Variants in OPRM1 observed in about 807,000 individuals in gnomAD.
OPRM1 encodes the protein opioid receptor mu 1, also known as mu-type opioid receptor.
Under a neutral mutation model 31.8 loss-of-function variants are expected in OPRM1, and 27 were observed. That is an observed-to-expected ratio of 0.85 (90% CI 0.63 to 1.17). OPRM1 has a LOEUF of 1.17. Ranked by LOEUF, OPRM1 falls within the 50% of genes most tolerant of loss-of-function variation. OPRM1 has a pLI of 0.00. For synonymous variants in OPRM1, 196 were observed against 189.9 expected (o/e 1.03, Z -0.26); for missense variants, 536 against 511.1 (o/e 1.05, Z -0.47).
chr6:154,164,863 C>A (rs1180670974), intron 3 of OPRM1, among the ~76,000 whole-genome samples: 4 of 152,184 alleles, frequency 2.6e-5, no homozygotes, highest in Admixed American at 6.5e-5. Context: ...TCCTAAATAT[C>A]TGTATTTAGT....
chr6:154,094,297 T>C (rs1175106651), intron 3 of OPRM1: 1 of 1,064,142 alleles, frequency 9.4e-7, no homozygotes, highest in Non-Finnish European at 1.3e-6. Flanking sequence ...CAAAGTGGAG[T>C]GGCGATTTGG....
chr6:154,145,538 G>A (rs1798337936), intron 3 of OPRM1, among the ~76,000 whole-genome samples: 1 of 152,190 alleles, frequency 6.6e-6, no homozygotes, highest in Non-Finnish European at 1.5e-5. Flanking sequence ...TTGTTCATAG[G>A]TTGGAAGACT....
At chr6:154,197,269 A>T (rs1225468836) in intron 3 of OPRM1, among the ~76,000 whole-genome samples, 1 of 152,158 alleles carries the variant, frequency 6.6e-6, no homozygotes, top group Non-Finnish European at 1.5e-5. Flanking sequence ...ACACATAAAC[A>T]CACATGTAAA....
intron 1 of OPRM1, among the ~76,000 whole-genome samples, chr6:154,047,480 C>G (rs1781358823): frequency 6.6e-6 from 1 of 152,028 alleles, no homozygotes; most frequent in African/African-American, 2.4e-5. Flanking sequence ...CTCTCATTCT[C>G]TGTTTAATTT....
In OPRM1 at chr6:154,126,841, G is replaced by A. The variant is rs1797611387; in HGVS notation, c.*8120G>A. ...AATAAAAAAGTGCCTGCTGGGCGCG[G>A]TGGCTCACGCCTGTAATTCCAGCAC... On this transcript the variant is annotated 3_prime_UTR_variant, in exon 4 of 4. Transcript: ENST00000330432. Among the ~76,000 whole-genome samples, 1 of 152,192 alleles carries A rather than the reference G, an allele frequency of 6.6e-6. No homozygotes were observed. Among genetic ancestry groups the A allele is most frequent in the African/African-American group, 2.4e-5 (1 of 41,434 alleles).
In OPRM1 at chr6:154,045,228, C is replaced by CA. The variant is rs943079422; in HGVS notation, c.290+5402dup. On this transcript the variant is annotated intron_variant, in intron 1 of 3. Transcript: ENST00000330432. ...CAACACAGTGGGACTCCGACTCAAA[C>CA]AAAAAAAATAAATTAAAAAAAAAAG... Among the ~76,000 whole-genome samples, 27 of 149,320 alleles carry CA rather than the reference C, an allele frequency of 1.8e-4. No homozygotes were observed. In the South Asian group the frequency reaches 2.7e-3, roughly 15 times the overall value.
At chr6:154,226,602 T>C (rs1356819872) in intron 3 of OPRM1, among the ~76,000 whole-genome samples, 1 of 152,230 alleles carries the variant, frequency 6.6e-6, no homozygotes, top group Non-Finnish European at 1.5e-5. Context: ...TTTAATGTTT[T>C]GTTGAATTAC....
chr6:154,091,779 C>T (rs1792305209), intron 3 of OPRM1: 1 of 1,075,364 alleles, frequency 9.3e-7, no homozygotes, highest in East Asian at 6.6e-5. Context: ...AGAAATAATT[C>T]TGATCTAGAA....
intron 1 of OPRM1, among the ~76,000 whole-genome samples, chr6:154,017,514 G>A (rs1480776570): frequency 6.6e-6 from 1 of 152,148 alleles, no homozygotes; most frequent in Non-Finnish European, 1.5e-5. Flanking sequence ...CTTCCACAGA[G>A]CCTAGTTCAC....
In OPRM1 at chr6:154,120,564, T is replaced by C. The variant is rs897096833; in HGVS notation, c.*1843T>C. Among the ~76,000 whole-genome samples, 2 of 152,150 alleles carry C rather than the reference T, an allele frequency of 1.3e-5. No individual in the cohort carries two copies. The highest frequency in any genetic ancestry group is 2.9e-5 in the Non-Finnish European group (2 of 68,022). Reference sequence around the variant, plus strand: ...AAAGATTTAGAATGTTAAATAAGTGTACTAGGGTGTATATATTTACATATA... The same window carrying C: ...AAAGATTTAGAATGTTAAATAAGTGCACTAGGGTGTATATATTTACATATA... On this transcript the variant is annotated 3_prime_UTR_variant, in exon 4 of 4. Coordinates refer to ENST00000330432, the MANE Select transcript of OPRM1 (RefSeq NM_000914.5).
At chr6:154,046,790 G>A (rs949023754) in intron 1 of OPRM1, 22 of 152,106 alleles carry the variant, frequency 1.4e-4, no homozygotes, top group Non-Finnish European at 2.4e-4. Context: ...GGCACTCTGC[G>A]CCTCACTCTC....
rs921699841 is a variant in OPRM1, at chr6:154,130,404, G to A, written c.*11683G>A. ...AGGATGGTTTCGATCTCCTGACCTC[G>A]TGATCTGCCTGCCTCGGCCTCCCAA... On this transcript the variant is annotated 3_prime_UTR_variant, in exon 4 of 4. Transcript: ENST00000330432. Among the ~76,000 whole-genome samples, 2 of 152,098 alleles carry A rather than the reference G, an allele frequency of 1.3e-5. No individual in the cohort carries two copies. The highest frequency in any genetic ancestry group is 1.5e-5 in the Non-Finnish European group (1 of 67,988).
intron 1 of OPRM1, among the ~76,000 whole-genome samples, chr6:154,056,846 T>G (rs1172412914): frequency 6.6e-6 from 1 of 152,160 alleles, no homozygotes; most frequent in East Asian, 1.9e-4. Context: ...GAAATTATTA[T>G]CAACATTATA....
At chr6:154,223,610 G>A (rs993945348) in intron 3 of OPRM1, among the ~76,000 whole-genome samples, 2 of 152,142 alleles carry the variant, frequency 1.3e-5, no homozygotes, top group African/African-American at 2.4e-5. Flanking sequence ...CTATTCCTAC[G>A]ACTCTAGTCA....
In OPRM1 at chr6:154,208,317, C is replaced by T. The variant is rs1171002237; in HGVS notation, c.1165-38376C>T. Among the ~76,000 whole-genome samples the T allele has an allele frequency of 4.6e-5, 7 of 152,292 alleles. No individual in the cohort carries two copies. In the East Asian group the frequency reaches 1.4e-3, roughly 29 times the overall value. On this transcript the variant is annotated intron_variant, in intron 3 of 3. Transcript: ENST00000337049. Reference sequence around the variant, plus strand: ...CTCACTGTTCCCTTTGCTTGGAAAACTTTTCCCCCAAATATCCACTTGGCT... The same window carrying T: ...CTCACTGTTCCCTTTGCTTGGAAAATTTTTCCCCCAAATATCCACTTGGCT...
intron 1 of OPRM1, among the ~76,000 whole-genome samples, chr6:154,048,387 A>G (rs958486050): frequency 6.6e-6 from 1 of 152,132 alleles, no homozygotes; most frequent in Non-Finnish European, 1.5e-5. Context: ...CCTTTCTTAC[A>G]GCCTCTCCAA....
intron 1 of OPRM1, among the ~76,000 whole-genome samples, chr6:154,031,091 A>T (rs951845610): frequency 1.3e-5 from 2 of 152,242 alleles, no homozygotes; most frequent in Non-Finnish European, 1.5e-5. Context: ...TTAAAAAAAT[A>T]AAATTTTCTA....
At chr6:154,030,542 A>C (rs768938466) in intron 1 of OPRM1, among the ~76,000 whole-genome samples, 40 of 152,322 alleles carry the variant, frequency 2.6e-4, no homozygotes, top group Admixed American at 1.6e-3. Context: ...CTAAAAAAAA[A>C]CAGAGTAATA....
chr6:154,173,584 C>A (rs1800052962), intron 3 of OPRM1, among the ~76,000 whole-genome samples: 1 of 151,582 alleles, frequency 6.6e-6, no homozygotes, highest in Admixed American at 6.6e-5. Context: ...GATTGAAGAT[C>A]AAATTAATGA....
Sources: allele counts gnomAD v4.1 joint callset (sites outside exome capture counted in the v4.1 genomes callset), GRCh38; gene constraint gnomAD v4.1.1; transcripts MANE v1.5; gene names NCBI Gene and HGNC (gene_info 2026-07-23, HGNC 2026-07-21).